KDM4B: variants seen among roughly 807,000 people sequenced by gnomAD.
KDM4B encodes the protein lysine-specific demethylase 4B.
In KDM4B, 32 loss-of-function variants were observed where a neutral mutation model predicts 125.2. The ratio of observed to expected loss-of-function variants is 0.26; its 90% CI spans 0.19 to 0.34. The LOEUF (loss-of-function observed/expected upper bound fraction) is 0.34. Among genes scored for constraint, KDM4B ranks in the 10% least tolerant of loss-of-function variants. KDM4B has a pLI of 1.00. For missense variants in KDM4B, 1,190 were observed against 1,577.7 expected (o/e 0.75, Z 4.16); for synonymous variants, 721 against 677.9 (o/e 1.06, Z -0.99).
chr19:5,144,525 G>A, intron 20 of KDM4B, 113 bp downstream of exon 20: 1 of 1,058,582 alleles, frequency 9.4e-7, no homozygotes, highest in Non-Finnish European at 1.3e-6. Flanking sequence ...GCTAGGAGTG[G>A]CCTGACTCCA....
At chr19:5,131,661 A>AGGG in intron 12 of KDM4B, 116 bp downstream of exon 12, 3 of 191,658 alleles carry the variant, frequency 1.6e-5, no homozygotes, top group African/African-American at 1.1e-4. Flanking sequence ...GGAGGAGGGG[A>AGGG]CAGGAGGGCT....
chr19:5,088,957 A>C (rs778723765), intron 9 of KDM4B, among the ~76,000 whole-genome samples: 44 of 152,298 alleles, frequency 2.9e-4, no homozygotes, highest in Non-Finnish European at 5.9e-4. Flanking sequence ...AGCCAGACCC[A>C]GAGGCTACAC....
intron 10 of KDM4B, among the ~76,000 whole-genome samples, chr19:5,117,507 T>C (rs1291644342): frequency 6.6e-6 from 1 of 152,070 alleles, no homozygotes; most frequent in Non-Finnish European, 1.5e-5. Flanking sequence ...CAGCCCACCT[T>C]GGGATGACAG....
At chr19:5,032,140 C>T (rs79119305) in intron 2 of KDM4B, among the ~76,000 whole-genome samples, 11,166 of 152,260 alleles carry the variant, frequency 0.073, 1,336 homozygotes, top group African/African-American at 0.25. Flanking sequence ...GAGCCGCTCC[C>T]GCCCGCAGCC....
At chr19:5,083,114 T>G (rs955137904) in intron 9 of KDM4B, among the ~76,000 whole-genome samples, 4 of 152,206 alleles carry the variant, frequency 2.6e-5, no homozygotes, top group African/African-American at 9.6e-5. Flanking sequence ...GCTTGATTTT[T>G]TTCTGGTGAT....
Position 5,084,425 on chromosome 19 carries a change from A to T in KDM4B, c.918+1921A>T, listed in dbSNP as rs1175195911. ...ATTATATAAATTACATAATTTATAT[A>T]TATAAATATAAATTATATATGTTAT... On this transcript the variant is annotated intron_variant, in intron 9 of 22. Transcript: ENST00000159111. 2.1e-5 allele frequency among the ~76,000 whole-genome samples: 3 copies of T among 141,358 alleles called. No individual in the cohort carries two copies. In the East Asian group the frequency reaches 5.9e-4, roughly 28 times the overall value. 92.7% of individuals were successfully genotyped at this position (141,358 alleles called of 152,430 possible). A position where few individuals can be genotyped will look rare whatever the true frequency, so the allele number is the denominator to read the frequency against.
chr19:4,974,769 G>A lies in KDM4B; in HGVS notation c.-109+5539G>A, dbSNP rs533808172. 8.6e-5 allele frequency among the ~76,000 whole-genome samples: 13 copies of A among 151,914 alleles called. No homozygotes were observed. In the South Asian group the frequency reaches 2.7e-3, roughly 32 times the overall value. The stretch of plus-strand genomic sequence containing the variant: ...AAAAAAAAAGAAGGTAGTCAAAGGA[G>A]TAAAAACCAAAACAAACAAACAAAC... On this transcript the variant is annotated intron_variant, in intron 1 of 22. Transcript: ENST00000159111.
chr19:5,069,971 G>T (rs531912342), intron 6 of KDM4B, among the ~76,000 whole-genome samples: 1 of 152,104 alleles, frequency 6.6e-6, no homozygotes, highest in African/African-American at 2.4e-5. Context: ...AGCAGGGGCC[G>T]TCTCCCACCC....
chr19:5,025,793 C>T (rs569436650), intron 2 of KDM4B, among the ~76,000 whole-genome samples: 4 of 152,360 alleles, frequency 2.6e-5, no homozygotes, highest in African/African-American at 7.2e-5. Context: ...CACTTCCAGA[C>T]GCAGCCCCGC....
At chr19:4,969,523 G>C (rs1470324170) in intron 1 of KDM4B, among the ~76,000 whole-genome samples, 1 of 150,402 alleles carries the variant, frequency 6.6e-6, no homozygotes. Context: ...GGGGGCGCGC[G>C]GGGGCTGGGC....
At chr19:5,143,848 C>T (rs1487584217) in intron 18 of KDM4B, 119 bp from the exon 19 acceptor site, 3 of 800,850 alleles carry the variant, frequency 3.7e-6, no homozygotes, top group East Asian at 2.6e-5. Context: ...CTGGGCAGAG[C>T]GCAGGGCCAC....
In KDM4B at chr19:5,143,950, T is replaced by C; in HGVS notation, c.2551-17T>C. 1 of 1,566,406 alleles carries C rather than the reference T, an allele frequency of 6.4e-7. No homozygotes were observed. The highest frequency in any genetic ancestry group is 8.7e-7 in the Non-Finnish European group (1 of 1,147,282). ...GAAGCTCGAGCCCCATGCCCCTGCC[T>C]GTGTCCCCATCCCCAGAAATGCGTG... On this transcript the variant is annotated splice_polypyrimidine_tract_variant and intron_variant, in intron 18 of 22. Coordinates refer to ENST00000159111, the MANE Select transcript of KDM4B (RefSeq NM_015015.3).
intron 9 of KDM4B, among the ~76,000 whole-genome samples, chr19:5,085,840 C>G (rs2038475071): frequency 6.6e-6 from 1 of 152,230 alleles, no homozygotes; most frequent in African/African-American, 2.4e-5. Context: ...CTGACTCTGG[C>G]AGGGTTTTCT....
Position 4,971,588 on chromosome 19 carries a change from G to A in KDM4B, c.-109+2358G>A, listed in dbSNP as rs1224579935. ...CTGGTCTGGGGCTGCTAGGTTTCCA[G>A]TGCCGAGTGCCATGCCGGGACAGGT... On this transcript the variant is annotated intron_variant, in intron 1 of 22. Coordinates refer to ENST00000159111, the MANE Select transcript of KDM4B (RefSeq NM_015015.3). This position sits in a 1 kb window ranked among gnomAD's most constrained non-coding sequence, Gnocchi z 4.1. Among the ~76,000 whole-genome samples, 2 of 152,156 alleles carry A rather than the reference G, an allele frequency of 1.3e-5. No individual in the cohort carries two copies. Among genetic ancestry groups the A allele is most frequent in the Non-Finnish European group, 2.9e-5 (2 of 68,030 alleles).
At chr19:5,072,034 C>G (rs950329811) in intron 7 of KDM4B, among the ~76,000 whole-genome samples, 17 of 152,188 alleles carry the variant, frequency 1.1e-4, no homozygotes, top group Non-Finnish European at 2.5e-4. Context: ...CCCCGCCCTT[C>G]AAGGACGGCG....
In KDM4B at chr19:4,976,384, G is replaced by A. The variant is rs571872971; in HGVS notation, c.-109+7154G>A. ...GGAAAAAACAGCTACAAACAGTGTA[G>A]GTGGGGGGAACGCTTCGCTGTTTGA... On this transcript the variant is annotated intron_variant, in intron 1 of 22. Transcript: ENST00000159111. 2.0e-5 allele frequency among the ~76,000 whole-genome samples: 3 copies of A among 152,252 alleles called. No individual in the cohort carries two copies. The East Asian group carries it at 5.8e-4, about 29-fold the overall frequency.
chr19:4,982,793 A>G (rs1303905199), intron 1 of KDM4B, among the ~76,000 whole-genome samples: 6 of 152,158 alleles, frequency 3.9e-5, no homozygotes, highest in South Asian at 2.1e-4. Flanking sequence ...TTGTATTTTT[A>G]GTAGAGACAG....
chr19:5,007,282 G>A (rs1396275576), intron 1 of KDM4B, among the ~76,000 whole-genome samples: 1 of 152,176 alleles, frequency 6.6e-6, no homozygotes, highest in East Asian at 1.9e-4. Context: ...GTCATTTTCG[G>A]CATGGTTTTG....
intron 17 of KDM4B, 36 bp downstream of exon 17, chr19:5,137,712 A>G (rs1165336597): frequency 7.8e-6 from 12 of 1,542,878 alleles, no homozygotes; most frequent in Non-Finnish European, 1.0e-5. Context: ...GGAGGGCCGG[A>G]GGGGAGCCTG....
Sources: allele counts gnomAD v4.1 joint callset (sites outside exome capture counted in the v4.1 genomes callset), GRCh38; gene constraint gnomAD v4.1.1; non-coding constraint Gnocchi (gnomAD v3.1); transcripts MANE v1.5; gene names NCBI Gene and HGNC (gene_info 2026-07-23, HGNC 2026-07-21).